The following TMEM131L variants were observed in gnomAD, a reference collection of about 807,000 sequenced individuals.
TMEM131L encodes the protein transmembrane 131 like.
A neutral mutation model predicts 192.2 loss-of-function variants in TMEM131L; 54 were observed. That is an observed-to-expected ratio of 0.28 (90% CI 0.23 to 0.35). TMEM131L has a LOEUF of 0.35. TMEM131L is among the 10% of genes least tolerant of loss of function. TMEM131L has a pLI of 1.00. For missense variants in TMEM131L, 1,888 were observed against 1,972.9 expected (o/e 0.96, Z 0.82); for synonymous variants, 701 against 704.9 (o/e 0.99, Z 0.09).
intron 3 of TMEM131L, among the ~76,000 whole-genome samples, chr4:153,487,656 C>G (rs1412847039): frequency 2.0e-5 from 3 of 151,974 alleles, no homozygotes; most frequent in Non-Finnish European, 4.4e-5. Flanking sequence ...GTATTCAGAT[C>G]TGTCTCCTGG....
At chr4:153,563,746 T>C (rs1388363218) in intron 7 of TMEM131L, among the ~76,000 whole-genome samples, 4 of 151,978 alleles carry the variant, frequency 2.6e-5, no homozygotes, top group African/African-American at 9.7e-5. Flanking sequence ...GGATTACAGG[T>C]GTAAACCACC....
At chr4:153,620,024 A>G (rs1733277914) in intron 26 of TMEM131L, among the ~76,000 whole-genome samples, 1 of 152,208 alleles carries the variant, frequency 6.6e-6, no homozygotes. Flanking sequence ...AGAGGGCAAC[A>G]TGTGGAAGGA....
intron 3 of TMEM131L, among the ~76,000 whole-genome samples, chr4:153,512,886 A>G (rs1734454357): frequency 6.6e-6 from 1 of 152,212 alleles, no homozygotes. Flanking sequence ...TACTGGGATT[A>G]CAGGCATGAG....
At chr4:153,506,512 A>G (rs936294136) in intron 3 of TMEM131L, among the ~76,000 whole-genome samples, 1 of 152,168 alleles carries the variant, frequency 6.6e-6, no homozygotes, top group Non-Finnish European at 1.5e-5. Flanking sequence ...TGCTTCATTC[A>G]ACCAAAAAAT....
chr4:153,562,817 A>C (rs528515813), intron 7 of TMEM131L, among the ~76,000 whole-genome samples: 1 of 152,356 alleles, frequency 6.6e-6, no homozygotes, highest in East Asian at 1.9e-4. Flanking sequence ...TGTTTGGTTT[A>C]GGAATAAAAT....
In TMEM131L at chr4:153,580,878, A is replaced by G. The variant is rs755315936; in HGVS notation, c.713A>G (p.His238Arg). The change falls in exon 8 of 35, where the codon CAT becomes CGT. Residue 238 changes from histidine to arginine, a missense_variant. By Grantham distance (29) the His-to-Arg change is conservative. Coordinates refer to ENST00000409959, the MANE Select transcript of TMEM131L (RefSeq NM_001131007.2). The part of the protein sequence containing the change: ...LLQVQLECSL[H>R]NKVCQQLKGC... ...CAGGTGCAACTGGAATGCAGTTTAC[A>G]TAATAAAGTGTGTCAGCAATTAAAG... The G allele has an allele frequency of 3.0e-5, 49 of 1,610,942 alleles. No homozygotes were observed. Among genetic ancestry groups the G allele is most frequent in the Non-Finnish European group, 3.7e-5 (44 of 1,177,246 alleles).
At chr4:153,632,898 T>G in intron 32 of TMEM131L, 60 bp downstream of exon 32, 1 of 1,591,734 alleles carries the variant, frequency 6.3e-7, no homozygotes, top group Non-Finnish European at 8.6e-7. Context: ...AGTTGGAATT[T>G]GAGTTCAGTT....
At chr4:153,525,050 T>C (rs1459786573) in intron 3 of TMEM131L, among the ~76,000 whole-genome samples, 2 of 152,188 alleles carry the variant, frequency 1.3e-5, no homozygotes, top group African/African-American at 4.8e-5. Context: ...GTTTGGCTAG[T>C]GAAGCATACG....
At chr4:153,596,797 A>G (rs1164292534) in intron 20 of TMEM131L, among the ~76,000 whole-genome samples, 1 of 152,226 alleles carries the variant, frequency 6.6e-6, no homozygotes, top group Admixed American at 6.5e-5. Context: ...TGCTCCTGGA[A>G]TTCTCAGTAG....
intron 3 of TMEM131L, among the ~76,000 whole-genome samples, chr4:153,504,923 G>A (rs1733884787): frequency 6.6e-6 from 1 of 152,172 alleles, no homozygotes; most frequent in Admixed American, 6.5e-5. Flanking sequence ...TTGTAACAGA[G>A]GTTAGGTTTC....
intron 7 of TMEM131L, among the ~76,000 whole-genome samples, chr4:153,580,573 C>T (rs756846784): frequency 3.3e-5 from 5 of 152,260 alleles, no homozygotes; most frequent in Non-Finnish European, 5.9e-5. Context: ...AAGGAATTTT[C>T]ATGTTGCCCG....
At chr4:153,475,932 C>T (rs1184780373) in intron 3 of TMEM131L, among the ~76,000 whole-genome samples, 2 of 152,084 alleles carry the variant, frequency 1.3e-5, no homozygotes, top group Non-Finnish European at 2.9e-5. Flanking sequence ...CTCAGGGATT[C>T]GACTGTACTA....
chr4:153,471,093 T>C (rs1425511469), intron 2 of TMEM131L, among the ~76,000 whole-genome samples: 3 of 152,124 alleles, frequency 2.0e-5, no homozygotes, highest in South Asian at 2.1e-4. Context: ...GTTCAAGTGC[T>C]TCTCCTGCCT....
intron 21 of TMEM131L, among the ~76,000 whole-genome samples, chr4:153,600,709 AC>A (rs1413935324): frequency 6.6e-6 from 1 of 152,250 alleles, no homozygotes; most frequent in East Asian, 1.9e-4. Context: ...CTACAGAGAA[AC>A]CTGGCTGGTG....
rs79069225 is a variant in TMEM131L at position 153,555,234 on chromosome 4, T to C, written c.309-553T>C. Among the ~76,000 whole-genome samples, 1 of 152,168 alleles carries C rather than the reference T, an allele frequency of 6.6e-6. No individual in the cohort carries two copies. The highest frequency in any genetic ancestry group is 2.1e-4 in the South Asian group (1 of 4,830). On this transcript the variant is annotated intron_variant, in intron 4 of 34. Transcript: ENST00000409959. This position sits in a 1 kb window ranked among gnomAD's most constrained non-coding sequence, Gnocchi z 4.1. ...CTAAGACCTAATAAAATAACATCTC[T>C]TTGTGAGCTGAAAATACATACCTCC... is the stretch of plus-strand genomic sequence containing the variant.
At position 153,578,522 on chromosome 4, in the gene TMEM131L, GT is replaced by G. The variant is rs34872169; in HGVS notation, c.661-2286del. 4.1e-3 allele frequency among the ~76,000 whole-genome samples: 529 copies of G among 127,750 alleles called. 1 individual carries two copies. The highest frequency in any genetic ancestry group is 9.4e-3 in the African/African-American group (320 of 34,030). The allele number at this position is 127,750 out of a possible 152,430, so 83.8% of individuals were successfully genotyped here. ...AGGTGTGCGCCACTATGCCCAGCTA[GT>G]TTTTTTTTTTTTTTTTTGACGGAGT... On this transcript the variant is annotated intron_variant, in intron 7 of 34. Transcript: ENST00000409959.
chr4:153,560,842 T>C (rs1014599709), intron 7 of TMEM131L, among the ~76,000 whole-genome samples: 1 of 152,258 alleles, frequency 6.6e-6, no homozygotes, highest in Admixed American at 6.5e-5. Flanking sequence ...ATGAATGACA[T>C]TCTTGTGTAA....
chr4:153,622,874 C>T (rs1247154820), intron 28 of TMEM131L, 24 bp from the exon 29 acceptor site: 1 of 1,612,304 alleles, frequency 6.2e-7, no homozygotes, highest in Non-Finnish European at 8.5e-7. Flanking sequence ...TTCAGGGAAA[C>T]ATGACTCCTT....
Position 153,586,399 on chromosome 4 carries a change from A to AT in TMEM131L, c.1482+21dup. 1 of 1,544,270 alleles carries AT rather than the reference A, an allele frequency of 6.5e-7. No individual in the cohort carries two copies. Among genetic ancestry groups the AT allele is most frequent in the Non-Finnish European group, 8.7e-7 (1 of 1,147,006 alleles). On this transcript the variant is annotated intron_variant, in intron 14 of 34. Coordinates refer to ENST00000409959, the MANE Select transcript of TMEM131L (RefSeq NM_001131007.2). ...ACCAAGGTATTTTCTACAATACTAT[A>AT]TGTGTGTTACAGTTTTCTTAATTAC...
Sources: allele counts gnomAD v4.1 joint callset (sites outside exome capture counted in the v4.1 genomes callset), GRCh38; gene constraint gnomAD v4.1.1; non-coding constraint Gnocchi (gnomAD v3.1); transcripts MANE v1.5; gene names NCBI Gene and HGNC (gene_info 2026-07-23, HGNC 2026-07-21).